The following DKK3 variants were observed in gnomAD, a reference collection of about 807,000 sequenced individuals.
DKK3 encodes dickkopf-related protein 3.
In DKK3, 22 loss-of-function variants were observed where a neutral mutation model predicts 33.2. The ratio of observed to expected loss-of-function variants is 0.66; its 90% CI spans 0.47 to 0.95. The LOEUF is 0.95. Among genes scored for constraint, DKK3 ranks in the 40% least tolerant of loss-of-function variants. DKK3 has a pLI of 0.00. For synonymous variants in DKK3, 194 were observed against 188.8 expected, an observed-to-expected ratio of 1.03 and a Z score of -0.23; for missense variants, 398 against 458.4, an observed-to-expected ratio of 0.87 and a Z score of 1.20.
At chr11:11,977,099 G>C (rs572251132) in intron 3 of DKK3, among the ~76,000 whole-genome samples, 1 of 152,212 alleles carries the variant, frequency 6.6e-6, no homozygotes, top group Admixed American at 6.5e-5. Flanking sequence ...GGCCTGGCTC[G>C]CCTGGGGCTG....
At chr11:11,969,647 C>T (rs998052149) in intron 3 of DKK3, among the ~76,000 whole-genome samples, 3 of 143,932 alleles carry the variant, frequency 2.1e-5, no homozygotes, top group Non-Finnish European at 3.0e-5. Context: ...AGGGAAGGAC[C>T]GGCTCTCCCC....
chr11:11,998,715 T>C lies in DKK3; in HGVS notation c.416A>G (p.Glu139Gly). 1 of 1,614,180 alleles carries C rather than the reference T, an allele frequency of 6.2e-7. No individual in the cohort carries two copies. Among genetic ancestry groups the C allele is most frequent in the East Asian group, 2.2e-5 (1 of 44,890 alleles). The change falls in exon 3 of 7, where the codon GAA becomes GGA. Residue 139 changes from glutamate (E) to glycine (G), a missense_variant. Coordinates refer to ENST00000683431, the MANE Select transcript of DKK3 (RefSeq NM_001018057.2). ...ACTTACGTGGCTCCTTCTGCCTTCT[T>C]CGTCTCCCACAGATGTGATAACTGT... is the stretch of plus-strand genomic sequence containing the variant. ...SETVITSVGD[E>G]EGRRSHECII...
In DKK3 at chr11:12,008,624, C is replaced by A; in HGVS notation, c.-42G>T. The A allele has an allele frequency of 2.2e-6, 3 of 1,352,824 alleles. No homozygotes were observed. The highest frequency in any genetic ancestry group is 2.8e-6 in the Non-Finnish European group (3 of 1,061,692). The allele number at this position is 1,352,824 out of a possible 1,614,324, so 83.8% of individuals were successfully genotyped here. ...CAGCCGCCGCCTGTGTGTCCCGGAA[C>A]GCGATCAGAGGCGCGCGGACCACCC... On this transcript the variant is annotated 5_prime_UTR_variant, in exon 1 of 7. Coordinates refer to ENST00000683431, the MANE Select transcript of DKK3 (RefSeq NM_001018057.2). This position sits in a 1 kb window ranked among gnomAD's most constrained non-coding sequence, Gnocchi z 4.6.
In DKK3 at chr11:11,968,566, C is replaced by G. The variant is rs375343155; in HGVS notation, c.436-79G>C. The G allele has an allele frequency of 1.5e-5, 21 of 1,371,548 alleles. No homozygotes were observed. In the Middle Eastern group the frequency reaches 5.6e-4, roughly 37 times the overall value. The allele number at this position is 1,371,548 out of a possible 1,614,324, so 85.0% of individuals were successfully genotyped here. A position where few individuals can be genotyped will look rare whatever the true frequency, so the allele number is the denominator to read the frequency against. On this transcript the variant is annotated intron_variant, in intron 3 of 6. Transcript: ENST00000683431. ...CACAGTGCCCAGGAAGGGCCAGGCC[C>G]GCTTCCATTCCCCATTCTTGACCCC...
At chr11:11,988,372 G>A (rs1848114356) in intron 3 of DKK3, among the ~76,000 whole-genome samples, 1 of 152,166 alleles carries the variant, frequency 6.6e-6, no homozygotes, top group Admixed American at 6.5e-5. Flanking sequence ...GCATGACTGT[G>A]AATTCCCTGG....
At chr11:12,005,953 G>A (rs760446323) in intron 1 of DKK3, among the ~76,000 whole-genome samples, 2 of 152,122 alleles carry the variant, frequency 1.3e-5, no homozygotes, top group Admixed American at 1.3e-4. Flanking sequence ...ATTCTATTGA[G>A]AATCTATCAG....
chr11:11,987,687 T>G (rs1305939884), intron 3 of DKK3, among the ~76,000 whole-genome samples: 1 of 152,218 alleles, frequency 6.6e-6, no homozygotes, highest in African/African-American at 2.4e-5. Context: ...CCCTGTGAAT[T>G]CTACCATTTA....
chr11:11,998,850 G>A, intron 2 of DKK3, 71 bp from the exon 3 acceptor site: 1 of 1,459,208 alleles, frequency 6.9e-7, no homozygotes, highest in Non-Finnish European at 9.6e-7. Context: ...TTGTTTTTGT[G>A]TTTTGTTTTC....
At chr11:11,970,085 C>T (rs1847691680) in intron 3 of DKK3, among the ~76,000 whole-genome samples, 2 of 152,122 alleles carry the variant, frequency 1.3e-5, no homozygotes, top group Admixed American at 6.6e-5. Context: ...GCTGCTCAGC[C>T]GGAAGCCTCC....
At chr11:11,980,977 T>C (rs1323889307) in intron 3 of DKK3, among the ~76,000 whole-genome samples, 1 of 152,120 alleles carries the variant, frequency 6.6e-6, no homozygotes, top group Non-Finnish European at 1.5e-5. Flanking sequence ...CACTGGCCTC[T>C]TCTCCACCCA....
At chr11:11,995,126 C>T (rs1309072103) in intron 3 of DKK3, among the ~76,000 whole-genome samples, 1 of 152,208 alleles carries the variant, frequency 6.6e-6, no homozygotes, top group African/African-American at 2.4e-5. Flanking sequence ...GTCACCCAGG[C>T]TGGAGTGCAG....
intron 3 of DKK3, among the ~76,000 whole-genome samples, chr11:11,973,962 C>G (rs997174196): frequency 2.6e-5 from 4 of 152,224 alleles, no homozygotes; most frequent in African/African-American, 9.6e-5. Context: ...GCATCTCATT[C>G]CTCATACTGG....
At chr11:11,979,290 A>C (rs773184830) in intron 3 of DKK3, among the ~76,000 whole-genome samples, 10 of 152,218 alleles carry the variant, frequency 6.6e-5, no homozygotes, top group Non-Finnish European at 1.3e-4. Context: ...CTCAGGGCCC[A>C]CAGGCCTTTC....
intron 3 of DKK3, among the ~76,000 whole-genome samples, chr11:11,986,023 G>A (rs1223584294): frequency 6.6e-6 from 1 of 152,136 alleles, no homozygotes; most frequent in South Asian, 2.1e-4. Flanking sequence ...AGGCTACTAG[G>A]AATCTCCTGC....
intron 3 of DKK3, among the ~76,000 whole-genome samples, chr11:11,984,358 T>C (rs1270043519): frequency 6.6e-6 from 1 of 152,230 alleles, no homozygotes; most frequent in African/African-American, 2.4e-5. Flanking sequence ...GTGCTGAGCA[T>C]AAATGCTATT....
Position 11,967,093 on chromosome 11 carries a change from G to A in DKK3, c.534C>T (p.Cys178=). The A allele has an allele frequency of 6.2e-7, 1 of 1,613,310 alleles. No homozygotes were observed. Among genetic ancestry groups the A allele is most frequent in the Non-Finnish European group, 8.5e-7 (1 of 1,179,766 alleles). The part of the protein sequence containing the change: ...CQPCRGQRML[C]TRDSECCGDQ... ...CTCCACAGCACTCACTGTCCCGGGT[G>A]CAGAGCTGCAGACAGGTGGAAAGAG... The change falls in exon 5 of 7, where the codon TGC becomes TGT. Residue 178 remains cysteine (C), a synonymous_variant. Coordinates refer to ENST00000683431, the MANE Select transcript of DKK3 (RefSeq NM_001018057.2).
intron 5 of DKK3, among the ~76,000 whole-genome samples, chr11:11,966,575 G>A (rs1208980771): frequency 2.0e-5 from 3 of 152,086 alleles, no homozygotes; most frequent in Non-Finnish European, 4.4e-5. Flanking sequence ...TAGTGGGGGC[G>A]GAGAGAGCCT....
At chr11:11,970,869 A>G (rs1590504569) in intron 3 of DKK3, among the ~76,000 whole-genome samples, 1 of 152,198 alleles carries the variant, frequency 6.6e-6, no homozygotes, top group Admixed American at 6.5e-5. Flanking sequence ...CTTGTGTTGG[A>G]CTTCTGACCT....
chr11:11,973,502 C>T (rs1251588513), intron 3 of DKK3, among the ~76,000 whole-genome samples: 7 of 152,218 alleles, frequency 4.6e-5, no homozygotes, highest in Non-Finnish European at 8.8e-5. Flanking sequence ...ACTTCAGCAG[C>T]TCCTCTCCAG....
Sources: allele counts gnomAD v4.1 joint callset (sites outside exome capture counted in the v4.1 genomes callset), GRCh38; gene constraint gnomAD v4.1.1; non-coding constraint Gnocchi (gnomAD v3.1); transcripts MANE v1.5; gene names NCBI Gene and HGNC (gene_info 2026-07-23, HGNC 2026-07-21).